The following TPO variants were observed in gnomAD, a reference collection of about 807,000 sequenced individuals.
TPO encodes thyroid peroxidase.
Under a neutral mutation model 96.9 loss-of-function variants are expected in TPO, and 78 were observed. The observed-to-expected ratio is 0.81, with a 90% confidence interval of 0.67 to 0.97. The LOEUF (loss-of-function observed/expected upper bound fraction) is 0.97. Ranked by LOEUF, TPO falls within the 50% of genes least tolerant of loss-of-function variation. The pLI is 0.00. For missense variants in TPO, 1,252 were observed against 1,274.8 expected, an observed-to-expected ratio of 0.98 and a Z score of 0.27; for synonymous variants, 547 against 538.0, an observed-to-expected ratio of 1.02 and a Z score of -0.23.
chr2:1,484,494 T>C lies in TPO; in HGVS notation c.1339-102T>C, dbSNP rs28910610. 4,808 of 1,499,214 alleles carry C rather than the reference T, an allele frequency of 3.2e-3. 106 individuals are homozygous for C. The African/African-American group carries it at 0.055, about 17-fold the overall frequency. 92.9% of individuals were successfully genotyped at this position (1,499,214 alleles called of 1,614,324 possible). ...TTATTACAAGACGAGAAGGGTCCAGTTCCCTGGGGCTGTCAAGGAAGATGC... is the reference window on the plus strand; with the variant it reads ...TTATTACAAGACGAGAAGGGTCCAGCTCCCTGGGGCTGTCAAGGAAGATGC... On this transcript the variant is annotated intron_variant, in intron 8 of 16. Coordinates refer to ENST00000329066, the MANE Select transcript of TPO (RefSeq NM_001206744.2).
chr2:1,423,727 A>C (rs912934792), intron 3 of TPO, among the ~76,000 whole-genome samples: 1 of 152,234 alleles, frequency 6.6e-6, no homozygotes, highest in African/African-American at 2.4e-5. Flanking sequence ...AGTTCTTGAG[A>C]TACAAAATAT....
chr2:1,405,732 TA>T (rs1296926370), intron 1 of TPO, among the ~76,000 whole-genome samples: 2 of 152,054 alleles, frequency 1.3e-5, no homozygotes, highest in Admixed American at 6.5e-5. Context: ...AACTCAACTA[TA>T]ACTTTTACAA....
At chr2:1,478,140 A>G in intron 8 of TPO, 1 of 985,346 alleles carries the variant, frequency 1.0e-6, no homozygotes, top group Non-Finnish European at 1.2e-6. Flanking sequence ...GTTAGAGTCT[A>G]TTTGAAACCT....
At chr2:1,444,431 G>C (rs1169993341) in intron 5 of TPO, among the ~76,000 whole-genome samples, 1 of 147,080 alleles carries the variant, frequency 6.8e-6, no homozygotes, top group South Asian at 2.3e-4. Flanking sequence ...TGTTGGAAGG[G>C]AATGGAGCTG....
At chr2:1,393,638 T>C (rs1332609450) in intron 1 of TPO, among the ~76,000 whole-genome samples, 2 of 152,152 alleles carry the variant, frequency 1.3e-5, no homozygotes, top group African/African-American at 2.4e-5. Context: ...GTGGAAACTC[T>C]CATGAGAAAA....
intron 7 of TPO, among the ~76,000 whole-genome samples, chr2:1,465,604 G>T (rs188676705): frequency 2.8e-4 from 43 of 152,078 alleles, no homozygotes; most frequent in African/African-American, 1.0e-3. Context: ...TCCTTGTAGA[G>T]GTCTTTCATC....
At chr2:1,486,814 CA>C (rs1671209668) in intron 9 of TPO, among the ~76,000 whole-genome samples, 1 of 152,198 alleles carries the variant, frequency 6.6e-6, no homozygotes, top group African/African-American at 2.4e-5. Flanking sequence ...GTGGGGAGGG[CA>C]GGGGTGCTGC....
At chr2:1,424,427 C>G (rs1471201706) in intron 3 of TPO, among the ~76,000 whole-genome samples, 2 of 152,148 alleles carry the variant, frequency 1.3e-5, no homozygotes, top group Admixed American at 1.3e-4. Context: ...TCCATCGTGA[C>G]CTGACCCAGC....
chr2:1,446,838 GTT>G (rs1666871115), intron 5 of TPO, among the ~76,000 whole-genome samples: 1 of 152,046 alleles, frequency 6.6e-6, no homozygotes, highest in South Asian at 2.1e-4. Flanking sequence ...TTTTTGTTAT[GTT>G]TAAGAATCTT....
intron 1 of TPO, among the ~76,000 whole-genome samples, chr2:1,388,539 G>C (rs1019146231): frequency 2.0e-5 from 3 of 152,206 alleles, no homozygotes; most frequent in African/African-American, 7.2e-5. Context: ...CTGGTGTGCC[G>C]TTTGCTAAGA....
chr2:1,453,760 C>T lies in TPO; in HGVS notation c.549C>T (p.Asp183=), dbSNP rs139331996. ...LARWLPPVYE[D]GFSQPRGWNP... is the part of the protein sequence containing the mutation. ...GATGGCTCCCTCCAGTCTATGAGGA[C>T]GGCTTCAGTCAGCCCCGAGGCTGGA... Residue 183 remains aspartate (D), a synonymous_variant, in exon 6 of 17, where the codon GAC becomes GAT. Coordinates refer to ENST00000329066, the MANE Select transcript of TPO (RefSeq NM_001206744.2). 74 of 1,613,942 alleles carry T rather than the reference C, an allele frequency of 4.6e-5. No individual in the cohort carries two copies. Among genetic ancestry groups the T allele is most frequent in the South Asian group, 1.8e-4 (16 of 91,080 alleles).
At chr2:1,537,383 TC>T (rs1679994040) in intron 15 of TPO, among the ~76,000 whole-genome samples, 1 of 67,356 alleles carries the variant, frequency 1.5e-5, no homozygotes. Context: ...TGTGTGCAAC[TC>T]CCTCAAATCC....
intron 5 of TPO, among the ~76,000 whole-genome samples, chr2:1,443,620 T>A: frequency 6.9e-6 from 1 of 144,772 alleles, no homozygotes; most frequent in Non-Finnish European, 1.5e-5. Context: ...GGTACCATGT[T>A]GGAAGGGAAC....
chr2:1,456,054 C>T, intron 6 of TPO, 22 bp from the exon 7 acceptor site: 1 of 1,611,368 alleles, frequency 6.2e-7, no homozygotes, highest in Non-Finnish European at 8.5e-7. Context: ...TATGTCCTGA[C>T]CAATGGTCTC....
At chr2:1,517,544 C>T (rs566529758) in intron 15 of TPO, among the ~76,000 whole-genome samples, 2 of 151,804 alleles carry the variant, frequency 1.3e-5, no homozygotes, top group South Asian at 4.2e-4. Flanking sequence ...CCTGAGGAAC[C>T]GGCTCTGTTC....
intron 1 of TPO, among the ~76,000 whole-genome samples, chr2:1,400,568 CA>C (rs34242408): frequency 0.043 from 3,109 of 71,526 alleles, 16 homozygotes; most frequent in Middle Eastern, 0.11. Flanking sequence ...GACTCTGTCT[CA>C]AAAAAAAAAA....
intron 3 of TPO, among the ~76,000 whole-genome samples, chr2:1,427,863 G>A (rs1664584581): frequency 6.6e-6 from 1 of 152,144 alleles, no homozygotes; most frequent in African/African-American, 2.4e-5. Flanking sequence ...TGGAATATCT[G>A]CATCTAGATT....
At chr2:1,476,512 G>C (rs946376866) in intron 7 of TPO, among the ~76,000 whole-genome samples, 4 of 152,252 alleles carry the variant, frequency 2.6e-5, no homozygotes, top group Non-Finnish European at 5.9e-5. Flanking sequence ...ACACTAAACA[G>C]TGATGCCCAC....
intron 2 of TPO, among the ~76,000 whole-genome samples, chr2:1,415,661 C>A (rs936617884): frequency 6.6e-6 from 1 of 151,094 alleles, no homozygotes; most frequent in South Asian, 2.1e-4. Context: ...GCAGGTGACA[C>A]CTTGCCGGGC....
Sources: gnomAD v4.1 joint callset for allele counts (sites outside exome capture counted in the v4.1 genomes callset) on GRCh38, gnomAD v4.1.1 for gene constraint, MANE v1.5 for transcripts, NCBI Gene and HGNC (gene_info 2026-07-23, HGNC 2026-07-21) for gene names.